Variants in HDAC8 observed in about 807,000 individuals in gnomAD.
HDAC8 encodes histone deacetylase 8.
In HDAC8, 1 loss-of-function variant was observed where a neutral mutation model predicts 32.2. The ratio of observed to expected loss-of-function variants is 0.03; its 90% confidence interval spans 0.01 to 0.15. HDAC8 has a LOEUF of 0.15. HDAC8 is among the 10% of genes least tolerant of loss of function. The probability of loss-of-function intolerance (pLI) is 1.00; values close to 1 mark genes in which losing one functional copy is unlikely to be tolerated. For missense variants in HDAC8, 117 were observed against 300.0 expected, an observed-to-expected ratio of 0.39 and a Z score of 4.51; for synonymous variants, 108 against 113.9, an observed-to-expected ratio of 0.95 and a Z score of 0.33.
At chrX:72,525,972 C>T (rs1321834954) in intron 4 of HDAC8, among the ~76,000 whole-genome samples, 8 of 109,598 alleles carry the variant, frequency 7.3e-5, no homozygotes, top group African/African-American at 2.7e-4. Context: ...TGGCTTGTGC[C>T]TATAATCCTA....
At chrX:72,440,575 G>A (rs1188119584) in intron 9 of HDAC8, among the ~76,000 whole-genome samples, 5 of 111,947 alleles carry the variant, frequency 4.5e-5, no homozygotes, top group African/African-American at 1.6e-4. Flanking sequence ...TAGATATACC[G>A]CTAGCAAGAC....
intron 2 of HDAC8, among the ~76,000 whole-genome samples, 189 bp from the exon 3 acceptor site, chrX:72,569,073 G>C (rs782490552): frequency 4.2e-4 from 47 of 112,154 alleles, no homozygotes; most frequent in Admixed American, 4.0e-3. Flanking sequence ...ATCTACAGTA[G>C]TGACTCTATT....
Position 72,434,514 on chromosome X carries a change from T to C in HDAC8, c.1005+27490A>G, listed in dbSNP as rs1602814535. On this transcript the variant is annotated intron_variant, in intron 9 of 10. Transcript: ENST00000373573. ...GCTCATACTCACCTTCATTCATATA[T>C]GATAATATTTAATTTTGATATTTTT... Among the ~76,000 whole-genome samples the C allele has an allele frequency of 2.7e-5, 3 of 111,432 alleles. 1 individual carries two copies. The Admixed American group carries it at 2.9e-4, about 11-fold the overall frequency.
intron 9 of HDAC8, among the ~76,000 whole-genome samples, chrX:72,358,173 T>C (rs1555951404): frequency 9.0e-6 from 1 of 111,437 alleles, no homozygotes; most frequent in Non-Finnish European, 1.9e-5. Context: ...CGCCTCAGCC[T>C]CCCAAATTGC....
rs782771783 is a variant in HDAC8, at chrX:72,490,942, T to C, written c.615A>G (p.Pro205=). The C allele has an allele frequency of 5.1e-5, 61 of 1,201,152 alleles. No homozygotes were observed. The highest frequency in any genetic ancestry group is 6.4e-5 in the Non-Finnish European group (57 of 887,777). The part of the protein sequence containing the change: ...VMTVSLHKFS[P]GFFPGTGDVS... ...ATGATCACTTGCCTGGGAAAAATCC[T>C]GGGGAGAATTTGTGCAGGGACACGG... The change falls in exon 6 of 11, where the codon CCA becomes CCG. Residue 205 remains proline, a synonymous_variant. Transcript: ENST00000373573.
chrX:72,537,277 T>C (rs782518397), intron 4 of HDAC8, among the ~76,000 whole-genome samples: 38 of 112,025 alleles, frequency 3.4e-4, no homozygotes, highest in Non-Finnish European at 5.8e-4. Flanking sequence ...GTGACCTGTA[T>C]CCAATGTTGA....
intron 4 of HDAC8, among the ~76,000 whole-genome samples, chrX:72,526,202 G>T (rs2050147859): frequency 9.0e-6 from 1 of 111,077 alleles, no homozygotes; most frequent in Admixed American, 9.6e-5. Flanking sequence ...ATACTGAAAT[G>T]CCTACACTGT....
intron 9 of HDAC8, among the ~76,000 whole-genome samples, chrX:72,440,344 T>C (rs949608562): frequency 3.6e-5 from 4 of 111,794 alleles, no homozygotes; most frequent in African/African-American, 1.3e-4. Flanking sequence ...GGGAAATTTA[T>C]AGCACTAAGT....
chrX:72,515,587 T>TGGGGGGGGGGGGGGGGGGGGGG (rs61675419), intron 4 of HDAC8, among the ~76,000 whole-genome samples: 1 of 33,734 alleles, frequency 3.0e-5, no homozygotes, highest in Non-Finnish European at 6.3e-5. Flanking sequence ...TCAGTGTGTG[T>TGGGGGGGGGGGGGGGGGGGGGG]GGGGGGGGGG....
At chrX:72,401,438 A>G (rs1398552157) in intron 9 of HDAC8, among the ~76,000 whole-genome samples, 1 of 111,280 alleles carries the variant, frequency 9.0e-6, no homozygotes, top group African/African-American at 3.3e-5. Flanking sequence ...CATGTTGCCC[A>G]GGCTGGTCTC....
intron 5 of HDAC8, among the ~76,000 whole-genome samples, chrX:72,494,070 C>A (rs1273873332): frequency 8.9e-6 from 1 of 111,932 alleles, no homozygotes; most frequent in Non-Finnish European, 1.9e-5. Context: ...TTGTTATAGG[C>A]AATAAGGAGT....
At chrX:72,376,379 A>G (rs1379165295) in intron 9 of HDAC8, among the ~76,000 whole-genome samples, 1 of 111,475 alleles carries the variant, frequency 9.0e-6, no homozygotes, top group Non-Finnish European at 1.9e-5. Flanking sequence ...CTGTTTTTCT[A>G]TTCTTTATTT....
chrX:72,559,305 C>T lies in HDAC8; in HGVS notation c.437+8584G>A, dbSNP rs1327006068. ...CAGGCTGGTCTCCAGCTCCTAACCG[C>T]GAGTGATCTGCCAGCCTCGGCCTCC... On this transcript the variant is annotated intron_variant, in intron 4 of 10. Transcript: ENST00000373573. Among the ~76,000 whole-genome samples, 12 of 109,080 alleles carry T rather than the reference C, an allele frequency of 1.1e-4. No homozygotes were observed. In the East Asian group the frequency reaches 1.2e-3, roughly 11 times the overall value. The allele number at this position is 109,080 out of a possible 115,157, so 94.7% of individuals were successfully genotyped here.
At chrX:72,478,620 A>G (rs2048404643) in intron 7 of HDAC8, among the ~76,000 whole-genome samples, 1 of 105,218 alleles carries the variant, frequency 9.5e-6, no homozygotes, top group Non-Finnish European at 2.0e-5. Context: ...TGGTTATTTG[A>G]TATAGCTTTT....
chrX:72,443,035 G>A (rs1285872345), intron 9 of HDAC8, among the ~76,000 whole-genome samples: 2 of 107,475 alleles, frequency 1.9e-5, no homozygotes, highest in African/African-American at 6.8e-5. Context: ...GATTCATAAA[G>A]CAAGTCCTGA....
intron 5 of HDAC8, among the ~76,000 whole-genome samples, chrX:72,492,036 G>A (rs1174751800): frequency 2.7e-5 from 3 of 111,485 alleles, no homozygotes; most frequent in African/African-American, 9.8e-5. Flanking sequence ...CCTTATGTTT[G>A]GCCCTAGGGA....
chrX:72,446,130 T>C (rs2047384308), intron 9 of HDAC8, among the ~76,000 whole-genome samples: 1 of 112,299 alleles, frequency 8.9e-6, no homozygotes, highest in African/African-American at 3.2e-5. Context: ...AGTGTGGTGA[T>C]TCCCCAGGGA....
chrX:72,482,675 T>C (rs1249553628), intron 7 of HDAC8, among the ~76,000 whole-genome samples: 1 of 111,629 alleles, frequency 9.0e-6, no homozygotes, highest in Non-Finnish European at 1.9e-5. Flanking sequence ...TTTTTTAATT[T>C]GTTTGCAACC....
intron 9 of HDAC8, among the ~76,000 whole-genome samples, chrX:72,428,574 T>C (rs1011949720): frequency 2.7e-5 from 3 of 111,627 alleles, no homozygotes; most frequent in Non-Finnish European, 5.7e-5. Flanking sequence ...GTCTGAAAGA[T>C]TAGCTTGGAG....
Sources: allele counts gnomAD v4.1 joint callset (sites outside exome capture counted in the v4.1 genomes callset), GRCh38; gene constraint gnomAD v4.1.1; transcripts MANE v1.5; gene names NCBI Gene and HGNC (gene_info 2026-07-23, HGNC 2026-07-21).